The following HYAL4 variants were observed in gnomAD, a reference collection of about 807,000 sequenced individuals.
HYAL4 encodes the protein hyaluronidase-4.
HYAL4 carries 37 observed loss-of-function variants against 35.2 expected under a neutral mutation model. The observed-to-expected ratio is 1.05, with a 90% CI of 0.81 to 1.38. The LOEUF is 1.38. Ranked by LOEUF, HYAL4 falls within the 40% of genes most tolerant of loss-of-function variation. The pLI is 0.00. For synonymous variants in HYAL4, 198 were observed against 203.2 expected (o/e 0.97, Z 0.22); for missense variants, 572 against 572.4 (o/e 1.00, Z 0.01).
intron 2 of HYAL4, among the ~76,000 whole-genome samples, chr7:123,859,841 C>G (rs1280450272): frequency 6.6e-6 from 1 of 152,198 alleles, no homozygotes; most frequent in African/African-American, 2.4e-5. Flanking sequence ...GAACTTCCTT[C>G]TCAAATAAAT....
chr7:123,795,994 A>G, the HYAL4 span, among the ~76,000 whole-genome samples: 24 of 152,226 alleles, frequency 1.6e-4, no homozygotes, highest in African/African-American at 5.8e-4. Context: ...GTTTAAGAGT[A>G]TAGGGTGAAC....
the HYAL4 span, among the ~76,000 whole-genome samples, chr7:123,772,770 T>C: frequency 6.6e-6 from 1 of 152,220 alleles, no homozygotes; most frequent in East Asian, 1.9e-4. Flanking sequence ...AGCCAAGCTC[T>C]TCCTGATGAA....
chr7:123,840,883 T>A (rs559935140), upstream of HYAL4, among the ~76,000 whole-genome samples: 1 of 152,038 alleles, frequency 6.6e-6, no homozygotes, highest in Admixed American at 6.5e-5. Context: ...TAAGGAGATT[T>A]TGGGCTGAGA....
upstream of HYAL4, among the ~76,000 whole-genome samples, chr7:123,840,118 T>A (rs1806029846): frequency 6.6e-6 from 1 of 152,236 alleles, no homozygotes; most frequent in African/African-American, 2.4e-5. Context: ...TTTATGGCTT[T>A]AGGTCTAACA....
the HYAL4 span, among the ~76,000 whole-genome samples, chr7:123,815,436 A>G: frequency 6.6e-6 from 1 of 152,216 alleles, no homozygotes; most frequent in East Asian, 1.9e-4. Context: ...TTAACCAACT[A>G]CATTTCTCAT....
chr7:123,841,348 G>A (rs536036739), upstream of HYAL4, among the ~76,000 whole-genome samples: 43 of 152,028 alleles, frequency 2.8e-4, no homozygotes, highest in African/African-American at 1.0e-3. Context: ...AACTTGATCC[G>A]TGATGGATAA....
intron 1 of HYAL4, among the ~76,000 whole-genome samples, chr7:123,833,265 C>T (rs1004145292): frequency 4.6e-5 from 7 of 152,040 alleles, no homozygotes; most frequent in African/African-American, 1.2e-4. Context: ...TTTTTGATGA[C>T]GGCCATTCTT....
intron 2 of HYAL4, among the ~76,000 whole-genome samples, chr7:123,855,646 T>C (rs1806419148): frequency 6.6e-6 from 1 of 152,132 alleles, no homozygotes; most frequent in Admixed American, 6.6e-5. Context: ...TCCTTCATTT[T>C]AACCTTGGGT....
chr7:123,777,031 G>A, the HYAL4 span, among the ~76,000 whole-genome samples: 2 of 152,128 alleles, frequency 1.3e-5, no homozygotes, highest in Admixed American at 6.6e-5. Flanking sequence ...GAAATACGTA[G>A]GAGAATAAGA....
At chr7:123,842,299 G>T (rs913723677), upstream of HYAL4, among the ~76,000 whole-genome samples, 1 of 152,014 alleles carries the variant, frequency 6.6e-6, no homozygotes, top group Non-Finnish European at 1.5e-5. Flanking sequence ...CCATGTAGTA[G>T]TGCGGTTTGG....
At chr7:123,790,410 TAGAGTTAGAACTG>T in the HYAL4 span, among the ~76,000 whole-genome samples, 1 of 152,170 alleles carries the variant, frequency 6.6e-6, no homozygotes. Context: ...CAGCTGATGT[TAGAGTTAGAACTG>T]ATGTCTTCAG....
At chr7:123,783,216 G>A in the HYAL4 span, among the ~76,000 whole-genome samples, 2 of 152,144 alleles carry the variant, frequency 1.3e-5, no homozygotes, top group Admixed American at 1.3e-4. Flanking sequence ...GGCTAGTACT[G>A]ATAATGCAAA....
the HYAL4 span, chr7:123,814,940 G>GTCA: frequency 6.6e-6 from 1 of 152,528 alleles, no homozygotes; most frequent in South Asian, 2.1e-4. Context: ...GAAGCCATGA[G>GTCA]GGTTGCTGAA....
the HYAL4 span, among the ~76,000 whole-genome samples, chr7:123,822,409 A>G: frequency 2.0e-5 from 3 of 152,128 alleles, no homozygotes; most frequent in South Asian, 6.2e-4. Flanking sequence ...GGTATTGTAA[A>G]TGGAATTGTT....
At chr7:123,773,918 A>G in the HYAL4 span, among the ~76,000 whole-genome samples, 1 of 152,150 alleles carries the variant, frequency 6.6e-6, no homozygotes, top group Non-Finnish European at 1.5e-5. Flanking sequence ...CATTCATCAA[A>G]CATTTGTTTT....
rs143360892 is a variant in HYAL4 at position 123,831,010 on chromosome 7, A to G, written c.-257+1886A>G. Among the ~76,000 whole-genome samples the G allele has an allele frequency of 3.3e-3, 497 of 152,178 alleles. 5 individuals carry two copies. The highest frequency in any genetic ancestry group is 5.3e-3 in the Admixed American group (81 of 15,282). The stretch of plus-strand genomic sequence containing the variant: ...GTTCTGCACTTTCAATGGTTTGGCA[A>G]TGGTTTATTAGTCCCCACCAAAACT... On this transcript the variant is annotated intron_variant, in intron 1 of 4. Coordinates refer to the HYAL4 transcript ENST00000489978.
At chr7:123,860,185 TC>T (rs1490265272) in intron 2 of HYAL4, among the ~76,000 whole-genome samples, 5 of 152,144 alleles carry the variant, frequency 3.3e-5, no homozygotes, top group African/African-American at 1.2e-4. Context: ...GCACTTAATT[TC>T]CCTTTGCCTT....
chr7:123,837,448 C>A (rs1417300668), intron 1 of HYAL4, among the ~76,000 whole-genome samples: 1 of 152,156 alleles, frequency 6.6e-6, no homozygotes, highest in Non-Finnish European at 1.5e-5. Context: ...TCTCAGGGAG[C>A]AATTAATCTG....
At chr7:123,843,197 C>T (rs1032236945), upstream of HYAL4, among the ~76,000 whole-genome samples, 1 of 152,052 alleles carries the variant, frequency 6.6e-6, no homozygotes, top group East Asian at 1.9e-4. Flanking sequence ...AGGCCTGGTC[C>T]TGACAAAATC....
Sources: gnomAD v4.1 joint callset for allele counts (sites outside exome capture counted in the v4.1 genomes callset) on GRCh38, gnomAD v4.1.1 for gene constraint, MANE v1.5 for transcripts, NCBI Gene and HGNC (gene_info 2026-07-23, HGNC 2026-07-21) for gene names.